Variants in MALRD1 observed in about 807,000 individuals in gnomAD.
The protein encoded by MALRD1 is MAM and LDL-receptor class A domain-containing protein 1.
A neutral mutation model predicts 242.1 loss-of-function variants in MALRD1; 247 were observed. The observed-to-expected ratio is 1.02, with a 90% CI of 0.92 to 1.13. The LOEUF (loss-of-function observed/expected upper bound fraction) is 1.13. Ranked by LOEUF, MALRD1 falls within the 50% of genes most tolerant of loss-of-function variation. The pLI, the probability that MALRD1 is intolerant of heterozygous loss-of-function variation, is 0.00. For synonymous variants in MALRD1, 995 were observed against 866.6 expected, an observed-to-expected ratio of 1.15 and a Z score of -2.60; for missense variants, 2,989 against 2,533.1, an observed-to-expected ratio of 1.18 and a Z score of -3.86.
intron 38 of MALRD1, among the ~76,000 whole-genome samples, chr10:19,704,459 A>G (rs1040840341): frequency 6.6e-6 from 1 of 152,212 alleles, no homozygotes; most frequent in Non-Finnish European, 1.5e-5. Context: ...TGAGGGGGCC[A>G]TCATCGTGGC....
At chr10:19,698,197 G>A (rs777200252) in intron 38 of MALRD1, among the ~76,000 whole-genome samples, 5 of 152,166 alleles carry the variant, frequency 3.3e-5, no homozygotes, top group Admixed American at 1.3e-4. Flanking sequence ...GAAGCCTGAG[G>A]AATAAAGGGT....
chr10:19,276,855 T>A (rs1326385753), intron 19 of MALRD1, among the ~76,000 whole-genome samples: 2 of 152,066 alleles, frequency 1.3e-5, no homozygotes, highest in African/African-American at 4.8e-5. Context: ...GGCTTTCTAT[T>A]TTAGGATAGA....
chr10:19,082,167 T>C (rs1409557181), intron 2 of MALRD1, among the ~76,000 whole-genome samples: 2 of 151,724 alleles, frequency 1.3e-5, no homozygotes, highest in Non-Finnish European at 2.9e-5. Context: ...TTTTCTTTTT[T>C]TACTATATAT....
At position 19,116,901 on chromosome 10, in the gene MALRD1, C is replaced by G. The variant is rs533931136; in HGVS notation, c.695-6591C>G. Among the ~76,000 whole-genome samples, 5 of 152,088 alleles carry G rather than the reference C, an allele frequency of 3.3e-5. No homozygotes were observed. The East Asian group carries it at 7.7e-4, about 24-fold the overall frequency. On this transcript the variant is annotated intron_variant, in intron 5 of 39. Coordinates refer to ENST00000454679, the MANE Select transcript of MALRD1 (RefSeq NM_001142308.3). ...GTCAGGAGTTCGAGACCAGCCTCAA[C>G]CTGGCCAACATGACGAAACCCTATC...
intron 5 of MALRD1, among the ~76,000 whole-genome samples, chr10:19,115,055 C>T (rs935823520): frequency 1.3e-5 from 2 of 152,144 alleles, no homozygotes; most frequent in Admixed American, 1.3e-4. Context: ...AACAGTTCAA[C>T]ATAGGAATTT....
At chr10:19,235,514 A>G (rs1316927832) in intron 18 of MALRD1, among the ~76,000 whole-genome samples, 4 of 149,410 alleles carry the variant, frequency 2.7e-5, no homozygotes, top group Admixed American at 6.7e-5. Context: ...TCTGGATACT[A>G]AAAAACAAAC....
At chr10:19,070,348 T>C (rs1462006855) in intron 2 of MALRD1, among the ~76,000 whole-genome samples, 4 of 152,264 alleles carry the variant, frequency 2.6e-5, no homozygotes, top group African/African-American at 7.2e-5. Flanking sequence ...GCCTATTTCA[T>C]AGTAAGTATT....
chr10:19,126,487 G>C (rs920038420), intron 7 of MALRD1, among the ~76,000 whole-genome samples: 4 of 151,838 alleles, frequency 2.6e-5, no homozygotes, highest in Non-Finnish European at 5.9e-5. Flanking sequence ...GTTATATTCT[G>C]CCTATTGGGC....
chr10:19,249,871 CA>C (rs140262622), intron 18 of MALRD1, among the ~76,000 whole-genome samples: 7,272 of 151,834 alleles, frequency 0.048, 219 homozygotes, highest in Middle Eastern at 0.078. Flanking sequence ...TTAAATCGAT[CA>C]TTTTTTTTTA....
At chr10:19,203,637 A>T (rs7902704) in intron 14 of MALRD1, 91 bp from the exon 15 acceptor site, 915,306 of 1,293,330 alleles carry the variant, frequency 0.71, 325,951 homozygotes, top group South Asian at 0.83. Context: ...ATACAGAAGC[A>T]TAATAAGGTG....
At chr10:19,624,145 C>T (rs1411392913) in intron 36 of MALRD1, among the ~76,000 whole-genome samples, 1 of 150,212 alleles carries the variant, frequency 6.7e-6, no homozygotes, top group Admixed American at 6.6e-5. Context: ...TGGGACCTAA[C>T]AATTCCATTT....
intron 14 of MALRD1, among the ~76,000 whole-genome samples, chr10:19,202,295 C>G (rs1405763907): frequency 6.6e-6 from 1 of 152,000 alleles, no homozygotes; most frequent in African/African-American, 2.4e-5. Context: ...AGATTCAGAA[C>G]TACTCTGCTG....
chr10:19,472,623 G>GAAGGTATGTTAGAAGGTATGTTTCTTTCT (rs1439042970), intron 29 of MALRD1, among the ~76,000 whole-genome samples: 15 of 151,844 alleles, frequency 9.9e-5, no homozygotes, highest in African/African-American at 3.1e-4. Context: ...TCATGATTCA[G>GAAGGTATGTTAGAAGGTATGTTTCTTTCT]TCTTGGTAGA....
intron 28 of MALRD1, among the ~76,000 whole-genome samples, chr10:19,443,362 G>A (rs1304739706): frequency 1.3e-5 from 2 of 152,126 alleles, no homozygotes; most frequent in Non-Finnish European, 2.9e-5. Flanking sequence ...CCTTCTGCTA[G>A]CTTTTGAATG....
intron 22 of MALRD1, among the ~76,000 whole-genome samples, chr10:19,326,825 T>A (rs1337466736): frequency 6.6e-6 from 1 of 152,168 alleles, no homozygotes; most frequent in Non-Finnish European, 1.5e-5. Flanking sequence ...GAATTCTATT[T>A]TTAAAAAGTA....
At chr10:19,239,057 CCTTTT>C (rs1304248381) in intron 18 of MALRD1, among the ~76,000 whole-genome samples, 3 of 93,546 alleles carry the variant, frequency 3.2e-5, no homozygotes, top group African/African-American at 1.2e-4. Context: ...TTTATTTTGT[CCTTTT>C]CTTTTTTTTT....
At chr10:19,304,119 T>C (rs972739883) in intron 21 of MALRD1, among the ~76,000 whole-genome samples, 6 of 151,718 alleles carry the variant, frequency 4.0e-5, no homozygotes, top group African/African-American at 1.4e-4. Flanking sequence ...CCTCACCAAG[T>C]GAGCAGGCAC....
At chr10:19,539,681 G>GT (rs1223310530) in intron 32 of MALRD1, among the ~76,000 whole-genome samples, 1 of 151,602 alleles carries the variant, frequency 6.6e-6, no homozygotes, top group Non-Finnish European at 1.5e-5. Flanking sequence ...CTGCTGCTTT[G>GT]TTTTTTTATT....
At position 19,670,594 on chromosome 10, in the gene MALRD1, C is replaced by T. The variant is rs139571440; in HGVS notation, c.6138-21688C>T. ...CAGCTTCCAACAGATTCGTCTTATT[C>T]ATTTCATGATAAAACTTCTTGAAAG... On this transcript the variant is annotated intron_variant, in intron 36 of 39. Coordinates refer to ENST00000454679, the MANE Select transcript of MALRD1 (RefSeq NM_001142308.3). Among the ~76,000 whole-genome samples, 309 of 152,286 alleles carry T rather than the reference C, an allele frequency of 2.0e-3. 2 individuals carry two copies. The highest frequency in any genetic ancestry group is 6.1e-3 in the African/African-American group (253 of 41,562).
Sources: allele counts gnomAD v4.1 joint callset (sites outside exome capture counted in the v4.1 genomes callset), GRCh38; gene constraint gnomAD v4.1.1; transcripts MANE v1.5; gene names NCBI Gene and HGNC (gene_info 2026-07-23, HGNC 2026-07-21).